Variants in RAI14 observed in about 807,000 individuals in gnomAD.
The protein encoded by RAI14 is ankycorbin.
Under a neutral mutation model 115.4 loss-of-function variants are expected in RAI14, and 45 were observed. That is an observed-to-expected ratio of 0.39 (90% CI 0.31 to 0.50). The LOEUF (loss-of-function observed/expected upper bound fraction) is 0.50. RAI14 is among the 20% of genes least tolerant of loss of function. The pLI, the probability that RAI14 is intolerant of heterozygous loss-of-function variation, is 0.85. For missense variants in RAI14, 939 were observed against 1,131.2 expected (o/e 0.83, Z 2.44); for synonymous variants, 371 against 415.4 (o/e 0.89, Z 1.30).
chr5:34,816,321 C>T (rs1433160810), intron 12 of RAI14, among the ~76,000 whole-genome samples: 1 of 152,094 alleles, frequency 6.6e-6, no homozygotes, highest in Non-Finnish European at 1.5e-5. Context: ...GATAAGCAGT[C>T]TTCTTACCCA....
Position 34,826,285 on chromosome 5 carries a change from G to A in RAI14, c.2650-45G>A, listed in dbSNP as rs1164832202. On this transcript the variant is annotated intron_variant, in intron 15 of 17. Transcript: ENST00000265109. Reference sequence around the variant, plus strand: ...TTACAAATATATGAAATTTTGCTTTGTAGACATGTTACTGTCTGCTAATAC... The same window carrying A: ...TTACAAATATATGAAATTTTGCTTTATAGACATGTTACTGTCTGCTAATAC... The A allele has an allele frequency of 3.8e-6, 6 of 1,569,620 alleles. No homozygotes were observed. The Admixed American group carries it at 1.1e-4, about 28-fold the overall frequency.
rs868184494 is a variant in RAI14, at chr5:34,783,653, A to G, written c.168-12286A>G. Among the ~76,000 whole-genome samples the G allele has an allele frequency of 1.1e-4, 16 of 152,238 alleles. No homozygotes were observed. The South Asian group carries it at 2.5e-3, about 24-fold the overall frequency. On this transcript the variant is annotated intron_variant, in intron 3 of 17. Transcript: ENST00000265109. ...AGTCAATAATACGAGATTCAATTGCATATGTGGTGTTCTGTACTCCCTGTT... is the reference window on the plus strand; with the variant it reads ...AGTCAATAATACGAGATTCAATTGCGTATGTGGTGTTCTGTACTCCCTGTT...
At chr5:34,666,846 A>G (rs190153932) in intron 1 of RAI14, among the ~76,000 whole-genome samples, 42 of 152,192 alleles carry the variant, frequency 2.8e-4, no homozygotes, top group Non-Finnish European at 5.3e-4. Context: ...CATTACCAGT[A>G]TGTGTTGATG....
At chr5:34,705,320 TATCCCAATAAGA>T (rs1160286598) in intron 2 of RAI14, among the ~76,000 whole-genome samples, 11 of 152,152 alleles carry the variant, frequency 7.2e-5, no homozygotes, top group Non-Finnish European at 1.5e-5. Context: ...AAAAGTAAAA[TATCCCAATAAGA>T]GTTTTCATGG....
At chr5:34,764,850 A>G (rs1046178645) in intron 3 of RAI14, among the ~76,000 whole-genome samples, 1 of 152,142 alleles carries the variant, frequency 6.6e-6, no homozygotes, top group Non-Finnish European at 1.5e-5. Context: ...TATTGGTGAT[A>G]TGGTTTGGCT....
intron 2 of RAI14, among the ~76,000 whole-genome samples, chr5:34,727,570 G>C (rs945786335): frequency 6.6e-6 from 1 of 152,128 alleles, no homozygotes; most frequent in African/African-American, 2.4e-5. Flanking sequence ...GCCAGGCCTG[G>C]GGCCCCCTTG....
chr5:34,697,130 CA>C (rs1378814271), intron 2 of RAI14, among the ~76,000 whole-genome samples: 20 of 148,460 alleles, frequency 1.3e-4, no homozygotes, highest in Non-Finnish European at 2.5e-4. Context: ...GACTCCATCT[CA>C]AAAAATAATA....
chr5:34,825,790 T>C (rs545458234), intron 15 of RAI14, among the ~76,000 whole-genome samples: 41 of 152,150 alleles, frequency 2.7e-4, no homozygotes, highest in African/African-American at 9.9e-4. Context: ...TACTTGTCTT[T>C]ATTCTTTTGT....
chr5:34,826,305 T>C (rs959664332), intron 15 of RAI14, 25 bp from the exon 16 acceptor site: 2 of 1,608,354 alleles, frequency 1.2e-6, no homozygotes, highest in African/African-American at 2.7e-5. Context: ...TACTGTCTGC[T>C]AATACCATTT....
intron 1 of RAI14, among the ~76,000 whole-genome samples, chr5:34,666,446 A>C (rs781211809): frequency 6.6e-6 from 1 of 152,090 alleles, no homozygotes; most frequent in Non-Finnish European, 1.5e-5. Flanking sequence ...TTGGCCCCCC[A>C]GCCTGATGTG....
chr5:34,799,532 AC>A (rs1561051091), intron 4 of RAI14, among the ~76,000 whole-genome samples: 2 of 82,186 alleles, frequency 2.4e-5, no homozygotes, highest in African/African-American at 8.6e-5. Context: ...ACACACACAC[AC>A]ACACACAAAA....
chr5:34,795,964 C>G lies in RAI14; in HGVS notation c.193C>G (p.His65Asp), dbSNP rs1236558425. Reference protein sequence around the residue: ...TAFHLAAAKGHVECLRVMITH... With the variant: ...TAFHLAAAKGDVECLRVMITH... ...TTTCCATCTTGCTGCTGCAAAAGGA[C>G]ACGTGGAATGCCTCAGGGTCATGAT... is the stretch of plus-strand genomic sequence containing the variant. The change falls in exon 4 of 18, where the codon CAC becomes GAC. Residue 65 changes from histidine (H) to aspartate (D), a missense_variant. Transcript: ENST00000265109. 10 of 1,613,240 alleles carry G rather than the reference C, an allele frequency of 6.2e-6. No individual in the cohort carries two copies. Among genetic ancestry groups the G allele is most frequent in the Non-Finnish European group, 6.8e-6 (8 of 1,179,368 alleles).
chr5:34,768,636 T>G (rs991848811), intron 3 of RAI14, among the ~76,000 whole-genome samples: 1 of 152,142 alleles, frequency 6.6e-6, no homozygotes, highest in Non-Finnish European at 1.5e-5. Context: ...CAAGTACCAT[T>G]TCCAGACTAT....
intron 1 of RAI14, among the ~76,000 whole-genome samples, chr5:34,673,855 C>T (rs547176491): frequency 1.3e-5 from 2 of 152,280 alleles, no homozygotes; most frequent in South Asian, 2.1e-4. Flanking sequence ...GGAAGGTCTA[C>T]CTCCCCTCCC....
intron 1 of RAI14, chr5:34,684,527 G>C (rs1744644667): frequency 6.6e-6 from 1 of 152,224 alleles, no homozygotes; most frequent in African/African-American, 2.4e-5. Context: ...CACTCCCGCT[G>C]AGGCTGGGAA....
intron 2 of RAI14, among the ~76,000 whole-genome samples, chr5:34,692,187 C>G (rs567809601): frequency 1.1e-4 from 16 of 152,222 alleles, no homozygotes; most frequent in Non-Finnish European, 1.8e-4. Context: ...CGCTTGAACC[C>G]AGGGGGTGGA....
At chr5:34,779,803 T>C (rs894861886) in intron 3 of RAI14, among the ~76,000 whole-genome samples, 4 of 152,176 alleles carry the variant, frequency 2.6e-5, no homozygotes, top group African/African-American at 9.6e-5. Flanking sequence ...CCCAAGGTAA[T>C]TTATAGAGTC....
At chr5:34,725,859 G>A (rs555226454) in intron 2 of RAI14, among the ~76,000 whole-genome samples, 57 of 151,398 alleles carry the variant, frequency 3.8e-4, no homozygotes, top group Non-Finnish European at 7.7e-4. Flanking sequence ...CTACTTGGGA[G>A]GCTGAGGCAG....
chr5:34,725,499 T>C (rs1186526379), intron 2 of RAI14, among the ~76,000 whole-genome samples: 1 of 151,910 alleles, frequency 6.6e-6, no homozygotes, highest in Admixed American at 6.6e-5. Flanking sequence ...CCCACCCCCT[T>C]CCCTCTTGGT....
Sources: allele counts gnomAD v4.1 joint callset (sites outside exome capture counted in the v4.1 genomes callset), GRCh38; gene constraint gnomAD v4.1.1; transcripts MANE v1.5; gene names NCBI Gene and HGNC (gene_info 2026-07-23, HGNC 2026-07-21).